PLXNB3: variants seen among roughly 807,000 people sequenced by gnomAD.
The protein encoded by PLXNB3 is plexin B3.
Under a neutral mutation model 125.7 loss-of-function variants are expected in PLXNB3, and 80 were observed. The ratio of observed to expected loss-of-function variants is 0.64; its 90% CI spans 0.53 to 0.77. PLXNB3 has a LOEUF of 0.77. Among genes scored for constraint, PLXNB3 ranks in the 30% least tolerant of loss-of-function variants. The probability of loss-of-function intolerance (pLI) is 0.00; values close to 1 mark genes in which losing one functional copy is unlikely to be tolerated. For synonymous variants in PLXNB3, 954 were observed against 783.3 expected (o/e 1.22, Z -3.64); for missense variants, 1,836 against 1,729.3 (o/e 1.06, Z -1.09).
chrX:153,776,845 TGGCTAGG>T, intron 28 of PLXNB3, 35 bp from the exon 29 acceptor site: 2 of 953,008 alleles, frequency 2.1e-6, no homozygotes, highest in Non-Finnish European at 2.9e-6. Flanking sequence ...TGTAGGCGCC[TGGCTAGG>T]GGTCAGCACA....
chrX:153,765,477 GC>G lies in PLXNB3; in HGVS notation c.-52del. The stretch of plus-strand genomic sequence containing the variant: ...CTGTCTCCCTCCCACTCAGGACAAT[GC>G]CCCCCCGCAGCCATCTCATGCCCAT... On this transcript the variant is annotated 5_prime_UTR_variant, in exon 2 of 36. It introduces an in-frame stop codon into an upstream open reading frame of the 5' UTR. Transcript: ENST00000361971. The G allele has an allele frequency of 8.7e-7, 1 of 1,149,061 alleles. No homozygotes were observed. The highest frequency in any genetic ancestry group is 3.2e-5 in the East Asian group (1 of 30,956). The allele number at this position is 1,149,061 out of a possible 1,213,427, so 94.7% of individuals were successfully genotyped here. A position where few individuals can be genotyped will look rare whatever the true frequency, so the allele number is the denominator to read the frequency against.
Position 153,771,308 on chromosome X carries a change from A to G in PLXNB3, c.2254-2A>G. 1 of 1,204,065 alleles carries G rather than the reference A, an allele frequency of 8.3e-7. No homozygotes were observed. The highest frequency in any genetic ancestry group is 1.8e-5 in the South Asian group (1 of 56,884). The stretch of plus-strand genomic sequence containing the variant: ...CAGCCTGACCCCACACTCTGCCCAC[A>G]GTTTTATCCCTCCATGTCCCAGCGG... On this transcript the variant is annotated splice_acceptor_variant, in intron 12 of 35. Coordinates refer to ENST00000361971, the MANE Select transcript of PLXNB3 (RefSeq NM_005393.3). LOFTEE classifies it high-confidence loss of function.
At chrX:153,769,540 C>T (rs1036094369) in intron 6 of PLXNB3, among the ~76,000 whole-genome samples, 10 of 112,927 alleles carry the variant, frequency 8.9e-5, no homozygotes, top group Admixed American at 7.4e-4. Context: ...GTGCTCCACA[C>T]GGCAGCCCCT....
chrX:153,768,860 A>G, intron 4 of PLXNB3, 88 bp from the exon 5 acceptor site: 1 of 1,064,398 alleles, frequency 9.4e-7, no homozygotes. Flanking sequence ...TGGCTCTAAA[A>G]AGGAGCCCCC....
At position 153,773,661 on chromosome X, in the gene PLXNB3, C is replaced by T; in HGVS notation, c.3227C>T (p.Ala1076Val). The T allele has an allele frequency of 8.5e-7, 1 of 1,180,495 alleles. No homozygotes were observed. Among genetic ancestry groups the T allele is most frequent in the Non-Finnish European group, 1.1e-6 (1 of 880,479 alleles). The change falls in exon 19 of 36, where the codon GCC (alanine) becomes GTC (valine). Residue 1076 changes from alanine (A) to valine (V), a missense_variant. Coordinates refer to ENST00000361971, the MANE Select transcript of PLXNB3 (RefSeq NM_005393.3). Reference protein sequence around the residue: ...QDPQPRRSCGAPAADPQACIQ... With the variant: ...QDPQPRRSCGVPAADPQACIQ... ...CCACAGCCAAGGAGGAGCTGTGGAG[C>T]CCCTGCTGCGGACCCCCAGGCTTGT...
At chrX:153,775,751 C>G (rs1489445556) in intron 26 of PLXNB3, 91 bp downstream of exon 26, 121 of 1,093,715 alleles carry the variant, frequency 1.1e-4, no homozygotes, top group Non-Finnish European at 2.6e-5. Flanking sequence ...CCCTACGTGA[C>G]GAAGGCCCGG....
Position 153,776,067 on chromosome X carries a change from G to A in PLXNB3, c.4582G>A (p.Gly1528Arg), listed in dbSNP as rs1557064008. 6.7e-6 allele frequency: 8 copies of A among 1,195,567 alleles called. No homozygotes were observed. The highest frequency in any genetic ancestry group is 6.1e-5 in the East Asian group (2 of 32,688). ...GGTGCTGGTGGGGCCCGGGGCTGGC[G>A]GGGCCGCAGGCAGCAGCGAGATGCA... is the stretch of plus-strand genomic sequence containing the variant. ...LMVLVGPGAG[G>R]AAGSSEMQRV... The change falls in exon 27 of 36, where the codon GGG becomes AGG. Residue 1528 changes from glycine (G) to arginine (R), a missense_variant. By Grantham distance (125) the Gly-to-Arg change is moderately radical. Transcript: ENST00000361971.
chrX:153,766,785 C>T, intron 2 of PLXNB3, 88 bp from the exon 3 acceptor site: 1 of 1,103,796 alleles, frequency 9.1e-7, no homozygotes, highest in Admixed American at 3.2e-5. Context: ...CCCTGAGCAC[C>T]CTGGCCTCTG....
chrX:153,775,678 G>T lies in PLXNB3; in HGVS notation c.4401+18G>T. ...TCCTGAGGGTGAGGGGCACTGTCCC[G>T]CCTGCTCCCAGCCCTGAGTGGCAGA... On this transcript the variant is annotated intron_variant, in intron 26 of 35. Coordinates refer to ENST00000361971, the MANE Select transcript of PLXNB3 (RefSeq NM_005393.3). 1.7e-6 allele frequency: 2 copies of T among 1,197,484 alleles called. No homozygotes were observed. Among genetic ancestry groups the T allele is most frequent in the East Asian group, 5.9e-5 (2 of 33,774 alleles).
chrX:153,773,434 T>A (rs781990358), intron 18 of PLXNB3, 28 bp downstream of exon 18: 56 of 1,189,854 alleles, frequency 4.7e-5, no homozygotes, highest in Non-Finnish European at 6.2e-5. Flanking sequence ...GGCCAGCCTG[T>A]GCACCACGCA....
chrX:153,777,422 C>A, intron 30 of PLXNB3, 42 bp downstream of exon 30: 1 of 1,178,376 alleles, frequency 8.5e-7, no homozygotes, highest in Non-Finnish European at 1.1e-6. Flanking sequence ...GGAGGCTCAG[C>A]CAGGGACCCC....
chrX:153,777,798 G>A, intron 31 of PLXNB3, 110 bp downstream of exon 31: 2 of 1,072,767 alleles, frequency 1.9e-6, no homozygotes, highest in East Asian at 6.1e-5. Context: ...GGAACTTACA[G>A]GAAGATCTAG....
intron 16 of PLXNB3, 79 bp from the exon 17 acceptor site, chrX:153,772,807 G>A (rs2091947177): frequency 9.6e-7 from 1 of 1,042,995 alleles, no homozygotes; most frequent in Non-Finnish European, 1.2e-6. Context: ...TTCAGAACCG[G>A]AGGGCCTTGG....
At chrX:153,772,576 G>A (rs2091943729) in intron 16 of PLXNB3, 1 of 631,161 alleles carries the variant, frequency 1.6e-6, no homozygotes, top group Non-Finnish European at 2.2e-6. Flanking sequence ...AGAGGCAACT[G>A]GATTTGAGAG....
At chrX:153,769,137 C>T in intron 5 of PLXNB3, 25 bp from the exon 6 acceptor site, 1 of 1,196,459 alleles carries the variant, frequency 8.4e-7, no homozygotes, top group Non-Finnish European at 1.1e-6. Context: ...GTGCCCATTG[C>T]CTCTCTGCTC....
rs1230809612 is a variant in PLXNB3 at position 153,775,770 on chromosome X, G to A, written c.4401+110G>A. On this transcript the variant is annotated intron_variant, in intron 26 of 35. Transcript: ENST00000361971. ...ACGTGACGAAGGCCCGGCAAGGGGGGCTTTGGAAAGGGAAGGACTTTGAAC... is the reference window on the plus strand; with the variant it reads ...ACGTGACGAAGGCCCGGCAAGGGGGACTTTGGAAAGGGAAGGACTTTGAAC... The A allele has an allele frequency of 1.7e-5, 18 of 1,086,924 alleles. No individual in the cohort carries two copies. The Admixed American group carries it at 2.7e-4, about 16-fold the overall frequency. The allele number at this position is 1,086,924 out of a possible 1,213,427, so 89.6% of individuals were successfully genotyped here. A position where few individuals can be genotyped will look rare whatever the true frequency, so the allele number is the denominator to read the frequency against.
chrX:153,766,551 C>T (rs1557059261), intron 2 of PLXNB3: 1 of 1,041,418 alleles, frequency 9.6e-7, no homozygotes, highest in Non-Finnish European at 1.2e-6. Context: ...CTTTCCAGGA[C>T]CTGCCCCCCT....
In PLXNB3 at chrX:153,774,623, G is replaced by A. The variant is rs375422539; in HGVS notation, c.3830+52G>A. The A allele has an allele frequency of 1.1e-4, 130 of 1,158,723 alleles. 1 individual carries two copies. In the East Asian group the frequency reaches 1.1e-3, roughly 10 times the overall value. ...TTCCCTCCTCGCCATTGGCAAGGGC[G>A]CCCTGGCAGGCGGCTGGCCTGGCCC... is the stretch of plus-strand genomic sequence containing the variant. On this transcript the variant is annotated intron_variant, in intron 22 of 35. Transcript: ENST00000361971.
chrX:153,767,143 G>A lies in PLXNB3; in HGVS notation c.316G>A (p.Glu106Lys), dbSNP rs373948980. 3.1e-5 allele frequency: 37 copies of A among 1,208,151 alleles called. No homozygotes were observed. Among genetic ancestry groups the A allele is most frequent in the Non-Finnish European group, 3.8e-5 (34 of 894,506 alleles). ...PDCVPFRDPA[E>K]CPQAQLTDNA... Reference sequence around the variant, plus strand: ...CTGCGTGCCCTTCCGTGACCCAGCCGAGTGCCCACAGGCCCAGCTCACTGA... The same window carrying A: ...CTGCGTGCCCTTCCGTGACCCAGCCAAGTGCCCACAGGCCCAGCTCACTGA... The change falls in exon 3 of 36, where the codon GAG becomes AAG. Residue 106 changes from glutamate to lysine, a missense_variant. Physicochemically the swap from Glu to Lys is moderately conservative, Grantham distance 56. Transcript: ENST00000361971.
Sources: gnomAD v4.1 joint callset for allele counts (sites outside exome capture counted in the v4.1 genomes callset) on GRCh38, gnomAD v4.1.1 for gene constraint, MANE v1.5 for transcripts, NCBI Gene and HGNC (gene_info 2026-07-23, HGNC 2026-07-21) for gene names.